TAFA1: variants seen among roughly 807,000 people sequenced by gnomAD.
TAFA1 encodes TAFA chemokine like family member 1.
A neutral mutation model predicts 18.5 loss-of-function variants in TAFA1; 4 were observed. That is an observed-to-expected ratio of 0.22 (90% CI 0.11 to 0.49). TAFA1 has a LOEUF of 0.49. TAFA1 is among the 20% of genes least tolerant of loss of function. The pLI is 0.98. For synonymous variants in TAFA1, 56 were observed against 55.2 expected, an observed-to-expected ratio of 1.01 and a Z score of -0.06; for missense variants, 147 against 169.0, an observed-to-expected ratio of 0.87 and a Z score of 0.72.
At chr3:68,305,309 G>T (rs1399062343) in intron 2 of TAFA1, among the ~76,000 whole-genome samples, 2 of 147,900 alleles carry the variant, frequency 1.4e-5, no homozygotes, top group African/African-American at 5.0e-5. Flanking sequence ...TCATCTTAAT[G>T]CAATTATATT....
chr3:68,492,354 A>G (rs935359894), intron 3 of TAFA1, among the ~76,000 whole-genome samples: 3 of 152,062 alleles, frequency 2.0e-5, no homozygotes, highest in Admixed American at 6.6e-5. Context: ...CAAAATACTC[A>G]GTGGAGGCTT....
At chr3:68,454,707 C>A (rs1478669737) in intron 3 of TAFA1, among the ~76,000 whole-genome samples, 1 of 152,136 alleles carries the variant, frequency 6.6e-6, no homozygotes, top group Non-Finnish European at 1.5e-5. Context: ...CCTCCACACC[C>A]ACACTTATTC....
chr3:68,135,243 T>C (rs1004253314), intron 2 of TAFA1, among the ~76,000 whole-genome samples: 1 of 152,112 alleles, frequency 6.6e-6, no homozygotes, highest in African/African-American at 2.4e-5. Context: ...TTGCCACCTG[T>C]TAGTAAAGAG....
chr3:68,200,018 A>G (rs1051090870), intron 2 of TAFA1, among the ~76,000 whole-genome samples: 22 of 151,540 alleles, frequency 1.5e-4, no homozygotes, highest in Non-Finnish European at 3.3e-4. Flanking sequence ...TTTAAAATCA[A>G]TTTCTAGTTT....
chr3:68,038,843 C>T (rs1705107087), intron 2 of TAFA1, among the ~76,000 whole-genome samples: 1 of 152,096 alleles, frequency 6.6e-6, no homozygotes, highest in Admixed American at 6.6e-5. Flanking sequence ...CATTATGTAA[C>T]CTCTCATCTT....
At chr3:68,169,271 AT>A (rs759784410) in intron 2 of TAFA1, among the ~76,000 whole-genome samples, 1 of 152,080 alleles carries the variant, frequency 6.6e-6, no homozygotes, top group Non-Finnish European at 1.5e-5. Flanking sequence ...CTGCTATGTC[AT>A]GATGACATTC....
At chr3:68,112,585 C>T (rs2065274483) in intron 2 of TAFA1, among the ~76,000 whole-genome samples, 1 of 151,960 alleles carries the variant, frequency 6.6e-6, no homozygotes, top group African/African-American at 2.4e-5. Context: ...ACAAAAGATG[C>T]CTGCTATAAA....
At chr3:68,109,044 C>T (rs1450052763) in intron 2 of TAFA1, among the ~76,000 whole-genome samples, 2 of 151,908 alleles carry the variant, frequency 1.3e-5, no homozygotes, top group African/African-American at 4.8e-5. Context: ...TAATGAAGCT[C>T]TAAATGTACT....
chr3:68,109,340 T>A (rs1293152072), intron 2 of TAFA1, among the ~76,000 whole-genome samples: 2 of 152,172 alleles, frequency 1.3e-5, no homozygotes, highest in Non-Finnish European at 2.9e-5. Context: ...CAATGTGGCA[T>A]CATTGTGCGA....
chr3:68,314,827 G>A (rs557872105), intron 2 of TAFA1, among the ~76,000 whole-genome samples: 3 of 151,678 alleles, frequency 2.0e-5, no homozygotes, highest in South Asian at 4.2e-4. Flanking sequence ...GAATTTTCAG[G>A]TCCATAGTTT....
At chr3:68,204,028 C>T (rs948553225) in intron 2 of TAFA1, among the ~76,000 whole-genome samples, 1 of 138,758 alleles carries the variant, frequency 7.2e-6, no homozygotes, top group African/African-American at 2.6e-5. Flanking sequence ...TTCAGCAATT[C>T]ATTGATTACA....
At chr3:68,542,962 T>C (rs2073401868) in intron 4 of TAFA1, among the ~76,000 whole-genome samples, 1 of 152,122 alleles carries the variant, frequency 6.6e-6, no homozygotes, top group South Asian at 2.1e-4. Flanking sequence ...GTCCTGCACC[T>C]GAAAAAATAA....
At chr3:68,374,208 A>C (rs1210608934) in intron 2 of TAFA1, among the ~76,000 whole-genome samples, 1 of 152,156 alleles carries the variant, frequency 6.6e-6, no homozygotes, top group East Asian at 1.9e-4. Flanking sequence ...TGCGTGTGAG[A>C]ATTCTAAATC....
upstream of TAFA1, among the ~76,000 whole-genome samples, chr3:67,999,287 C>CTGTGTGTGTGTGTGTGTGTG (rs796820506): frequency 3.8e-3 from 567 of 147,756 alleles, 4 homozygotes; most frequent in South Asian, 0.017. Flanking sequence ...CCCCCTCTCT[C>CTGTGTGTGTGTGTGTGTGTG]TGTGTGTGTG....
At chr3:68,238,793 C>A (rs2066961339) in intron 2 of TAFA1, among the ~76,000 whole-genome samples, 2 of 152,114 alleles carry the variant, frequency 1.3e-5, no homozygotes, top group Admixed American at 1.3e-4. Context: ...TCAATCAATG[C>A]ATAATTATAT....
At chr3:68,463,736 T>A (rs1483800819) in intron 3 of TAFA1, among the ~76,000 whole-genome samples, 2 of 152,202 alleles carry the variant, frequency 1.3e-5, no homozygotes, top group East Asian at 3.8e-4. Flanking sequence ...CAAAATCTTA[T>A]GACAGTTTTT....
At chr3:68,511,914 C>T (rs1046528165) in intron 3 of TAFA1, among the ~76,000 whole-genome samples, 2 of 151,998 alleles carry the variant, frequency 1.3e-5, no homozygotes, top group Admixed American at 1.3e-4. Flanking sequence ...TCATTATCAT[C>T]ACCAATAACA....
At chr3:68,148,520 A>G (rs2065769166) in intron 2 of TAFA1, among the ~76,000 whole-genome samples, 1 of 152,096 alleles carries the variant, frequency 6.6e-6, no homozygotes, top group South Asian at 2.1e-4. Flanking sequence ...CCTTGATCTC[A>G]TCTGTGCAAT....
At chr3:68,427,336 G>A (rs1014895171) in intron 3 of TAFA1, among the ~76,000 whole-genome samples, 5 of 151,802 alleles carry the variant, frequency 3.3e-5, no homozygotes, top group Admixed American at 2.0e-4. Context: ...CTGGGCTTCA[G>A]CCTAGATAAG....
Sources: gnomAD v4.1 joint callset for allele counts (sites outside exome capture counted in the v4.1 genomes callset) on GRCh38, gnomAD v4.1.1 for gene constraint, MANE v1.5 for transcripts, NCBI Gene and HGNC (gene_info 2026-07-23, HGNC 2026-07-21) for gene names.